Variants in MDGA2 observed in about 807,000 individuals in gnomAD.
MDGA2 encodes MAM domain-containing glycosylphosphatidylinositol anchor protein 2.
In MDGA2, 40 loss-of-function variants were observed where a neutral mutation model predicts 117.8. That is an observed-to-expected ratio of 0.34 (90% CI 0.26 to 0.44). The LOEUF is 0.44. MDGA2 is among the 20% of genes least tolerant of loss of function. MDGA2 has a pLI of 1.00. For missense variants in MDGA2, 1,123 were observed against 1,250.6 expected (o/e 0.90, Z 1.54); for synonymous variants, 452 against 439.0 (o/e 1.03, Z -0.37).
intron 3 of MDGA2, among the ~76,000 whole-genome samples, chr14:47,211,274 G>A (rs995339935): frequency 6.6e-6 from 1 of 152,088 alleles, no homozygotes; most frequent in Non-Finnish European, 1.5e-5. Flanking sequence ...TGTTAAGAAT[G>A]GTGAGGGGTC....
intron 6 of MDGA2, among the ~76,000 whole-genome samples, chr14:47,076,178 C>T (rs779391786): frequency 6.6e-6 from 1 of 151,950 alleles, no homozygotes; most frequent in Non-Finnish European, 1.5e-5. Context: ...TACTCAAAAT[C>T]TCATAGAAAC....
chr14:46,869,280 A>C (rs887008255), intron 14 of MDGA2, among the ~76,000 whole-genome samples: 2 of 151,704 alleles, frequency 1.3e-5, no homozygotes, highest in Admixed American at 6.6e-5. Context: ...TTCTTTTTTT[A>C]AAGAAATGAA....
chr14:47,503,298 C>T lies in MDGA2; in HGVS notation c.280+171219G>A, dbSNP rs550057011. Among the ~76,000 whole-genome samples, 33 of 142,866 alleles carry T rather than the reference C, an allele frequency of 2.3e-4. No individual in the cohort carries two copies. The South Asian group carries it at 6.8e-3, about 29-fold the overall frequency. 93.7% of individuals were successfully genotyped at this position (142,866 alleles called of 152,430 possible). Reference sequence around the variant, plus strand: ...CCAAGAGGTCAGAGAGTAAAACATGCTTTAGGTATCATAAAAAAAAAAAGG... The same window carrying T: ...CCAAGAGGTCAGAGAGTAAAACATGTTTTAGGTATCATAAAAAAAAAAAGG... On this transcript the variant is annotated intron_variant, in intron 1 of 16. Coordinates refer to ENST00000399232, the MANE Select transcript of MDGA2 (RefSeq NM_001113498.3).
At chr14:47,200,671 T>G in intron 3 of MDGA2, 1 of 1,114,418 alleles carries the variant, frequency 9.0e-7, no homozygotes, top group Non-Finnish European at 1.3e-6. Flanking sequence ...TCAAGAGCTG[T>G]TTCTTCTTCC....
intron 2 of MDGA2, among the ~76,000 whole-genome samples, chr14:47,286,172 C>A (rs562131342): frequency 3.3e-5 from 5 of 152,088 alleles, no homozygotes; most frequent in African/African-American, 4.8e-5. Context: ...ATGTAATAAT[C>A]AAAGCTGAGT....
At chr14:47,361,971 G>T (rs1049401613) in intron 1 of MDGA2, among the ~76,000 whole-genome samples, 2 of 152,096 alleles carry the variant, frequency 1.3e-5, no homozygotes, top group Non-Finnish European at 2.9e-5. Flanking sequence ...TCCTTTAAAT[G>T]GAAATGATAG....
intron 1 of MDGA2, among the ~76,000 whole-genome samples, chr14:47,351,133 C>T (rs2138347870): frequency 6.9e-6 from 1 of 145,018 alleles, no homozygotes; most frequent in South Asian, 2.3e-4. Context: ...GGCTGGAGTG[C>T]AATGGCACGA....
intron 15 of MDGA2, among the ~76,000 whole-genome samples, chr14:46,850,882 G>A (rs1256026167): frequency 4.0e-5 from 6 of 151,786 alleles, no homozygotes; most frequent in Non-Finnish European, 7.4e-5. Context: ...AGCTGCAATT[G>A]GTAAATGTTT....
chr14:46,907,299 A>C, intron 10 of MDGA2, among the ~76,000 whole-genome samples: 1 of 152,100 alleles, frequency 6.6e-6, no homozygotes. Flanking sequence ...CTTTCTAGCA[A>C]ATCAGTTGTG....
rs185541527 is a variant in MDGA2, at chr14:47,233,333, C to T, written c.421-15138G>A. On this transcript the variant is annotated intron_variant, in intron 2 of 16. Coordinates refer to ENST00000399232, the MANE Select transcript of MDGA2 (RefSeq NM_001113498.3). Reference sequence around the variant, plus strand: ...TGTTAGGTAAAATATAAATAAAATTCTTATTACAAAACCGATATATTAAAA... The same window carrying T: ...TGTTAGGTAAAATATAAATAAAATTTTTATTACAAAACCGATATATTAAAA... Among the ~76,000 whole-genome samples the T allele has an allele frequency of 2.7e-4, 41 of 152,130 alleles. No individual in the cohort carries two copies. In the East Asian group the frequency reaches 7.0e-3, roughly 26 times the overall value.
At position 47,675,352 on chromosome 14, in the gene MDGA2, G is replaced by T. The variant is rs1898164954; in HGVS notation, c.-556C>A. On this transcript the variant is annotated 5_prime_UTR_variant, in exon 1 of 17. Coordinates refer to ENST00000399232, the MANE Select transcript of MDGA2 (RefSeq NM_001113498.3). ...AGGAGGAAGAGGAGGAGGAGGAAGA[G>T]GAGGAGTGGGGCTAGGGGAACGGGG... Among the ~76,000 whole-genome samples the T allele has an allele frequency of 1.9e-5, 2 of 102,838 alleles. No individual in the cohort carries two copies. 67.5% of individuals were successfully genotyped at this position (102,838 alleles called of 152,430 possible).
At chr14:47,335,325 T>A (rs1442830130) in intron 1 of MDGA2, among the ~76,000 whole-genome samples, 1 of 147,402 alleles carries the variant, frequency 6.8e-6, no homozygotes, top group Admixed American at 6.8e-5. Context: ...GTTGAGGGGT[T>A]GCAATTTTAA....
At chr14:46,997,756 G>A (rs1440441631) in intron 8 of MDGA2, among the ~76,000 whole-genome samples, 1 of 152,126 alleles carries the variant, frequency 6.6e-6, no homozygotes, top group African/African-American at 2.4e-5. Flanking sequence ...ACTACATTTT[G>A]TACCAAATAA....
intron 6 of MDGA2, among the ~76,000 whole-genome samples, chr14:47,086,813 A>C (rs1594605587): frequency 2.0e-5 from 3 of 152,232 alleles, no homozygotes; most frequent in East Asian, 3.9e-4. Flanking sequence ...CTATCTCCCT[A>C]ATCAGAATTA....
At chr14:47,591,051 CT>C (rs1412860344) in intron 1 of MDGA2, among the ~76,000 whole-genome samples, 1 of 151,988 alleles carries the variant, frequency 6.6e-6, no homozygotes, top group Non-Finnish European at 1.5e-5. Flanking sequence ...GACATTTCAC[CT>C]TTAAACTGGC....
At chr14:47,519,792 T>C (rs1168602242) in intron 1 of MDGA2, among the ~76,000 whole-genome samples, 2 of 152,162 alleles carry the variant, frequency 1.3e-5, no homozygotes, top group Non-Finnish European at 2.9e-5. Context: ...GATAATGATA[T>C]CCAAATGAGT....
At chr14:47,204,673 T>G (rs2139455606) in intron 3 of MDGA2, among the ~76,000 whole-genome samples, 1 of 152,110 alleles carries the variant, frequency 6.6e-6, no homozygotes, top group South Asian at 2.1e-4. Flanking sequence ...ATTAGCTTGT[T>G]GACAATAGTT....
At chr14:46,868,520 C>T (rs557526490) in intron 14 of MDGA2, among the ~76,000 whole-genome samples, 1 of 151,968 alleles carries the variant, frequency 6.6e-6, no homozygotes, top group Non-Finnish European at 1.5e-5. Context: ...TATGAAGCTA[C>T]CCCAAGGAAA....
At chr14:47,413,335 T>C (rs1892410880) in intron 1 of MDGA2, among the ~76,000 whole-genome samples, 1 of 152,142 alleles carries the variant, frequency 6.6e-6, no homozygotes, top group Admixed American at 6.6e-5. Context: ...AGAAAATTAC[T>C]AAGTCTCTAT....
Sources: gnomAD v4.1 joint callset for allele counts (sites outside exome capture counted in the v4.1 genomes callset) on GRCh38, gnomAD v4.1.1 for gene constraint, MANE v1.5 for transcripts, NCBI Gene and HGNC (gene_info 2026-07-23, HGNC 2026-07-21) for gene names.